Variants in CCSER1 observed in about 807,000 individuals in gnomAD.
CCSER1 encodes serine-rich coiled-coil domain-containing protein 1.
A neutral mutation model predicts 82.0 loss-of-function variants in CCSER1; 41 were observed. The observed-to-expected ratio is 0.50, with a 90% CI of 0.39 to 0.65. CCSER1 has a LOEUF of 0.65. CCSER1 is among the 30% of genes least tolerant of loss of function. The pLI is 0.00. For missense variants in CCSER1, 1,119 were observed against 1,064.2 expected (o/e 1.05, Z -0.72); for synonymous variants, 414 against 383.9 (o/e 1.08, Z -0.92).
intron 10 of CCSER1, among the ~76,000 whole-genome samples, chr4:91,337,515 T>G (rs1225520228): frequency 6.6e-6 from 1 of 152,092 alleles, no homozygotes; most frequent in Non-Finnish European, 1.5e-5. Flanking sequence ...GCATTAGGCA[T>G]CTTATAAACT....
chr4:91,387,242 G>A lies in CCSER1; in HGVS notation c.2218-211330G>A, dbSNP rs544122319. The stretch of plus-strand genomic sequence containing the variant: ...ACACACAAACATACCTTTATAAAGA[G>A]AGAGACAAATGATGCAAATAGGGCA... On this transcript the variant is annotated intron_variant, in intron 10 of 10. Transcript: ENST00000509176. Among the ~76,000 whole-genome samples, 10 of 152,006 alleles carry A rather than the reference G, an allele frequency of 6.6e-5. No individual in the cohort carries two copies. In the South Asian group the frequency reaches 2.1e-3, roughly 31 times the overall value.
At chr4:90,188,647 C>A (rs149652076) in intron 1 of CCSER1, among the ~76,000 whole-genome samples, 3,192 of 151,988 alleles carry the variant, frequency 0.021, 42 homozygotes, top group South Asian at 0.035. Flanking sequence ...CCATTAGCTC[C>A]TTCTTAATAT....
intron 10 of CCSER1, among the ~76,000 whole-genome samples, chr4:91,088,671 G>T (rs751717785): frequency 7.9e-5 from 12 of 151,962 alleles, no homozygotes; most frequent in Non-Finnish European, 1.6e-4. Flanking sequence ...AATTTGAGGG[G>T]GCTGATTATA....
At chr4:90,306,781 G>A (rs1166886786) in intron 1 of CCSER1, among the ~76,000 whole-genome samples, 1 of 152,128 alleles carries the variant, frequency 6.6e-6, no homozygotes, top group Non-Finnish European at 1.5e-5. Flanking sequence ...ATGAAACAGA[G>A]TCTGATTCAA....
At chr4:91,116,914 A>T (rs1344961653) in intron 10 of CCSER1, among the ~76,000 whole-genome samples, 1 of 152,198 alleles carries the variant, frequency 6.6e-6, no homozygotes, top group Non-Finnish European at 1.5e-5. Context: ...GTGATTTTTT[A>T]AATGTTCATC....
intron 10 of CCSER1, among the ~76,000 whole-genome samples, chr4:91,462,099 A>C (rs1232344503): frequency 6.6e-6 from 1 of 152,188 alleles, no homozygotes; most frequent in African/African-American, 2.4e-5. Context: ...GAAACTTTTC[A>C]GAGATTATAT....
chr4:90,649,965 C>T (rs1241998365), intron 6 of CCSER1, among the ~76,000 whole-genome samples: 1 of 151,996 alleles, frequency 6.6e-6, no homozygotes, highest in African/African-American at 2.4e-5. Flanking sequence ...GCCTGTAATC[C>T]CAGCACTTTG....
chr4:91,000,294 C>T (rs2150474807), intron 9 of CCSER1, among the ~76,000 whole-genome samples: 1 of 151,782 alleles, frequency 6.6e-6, no homozygotes, highest in East Asian at 1.9e-4. Flanking sequence ...GTTTAGGTTA[C>T]ATACTACATT....
chr4:90,884,363 A>G (rs560675727), intron 8 of CCSER1, among the ~76,000 whole-genome samples: 2 of 152,326 alleles, frequency 1.3e-5, no homozygotes, highest in Admixed American at 1.3e-4. Flanking sequence ...GCACCCATGG[A>G]GAAGGGATAC....
Position 90,910,698 on chromosome 4 carries a change from A to G in CCSER1, c.2095-12672A>G, listed in dbSNP as rs188230730. ...ATGTTATCCAGATGTTGTATTATTG[A>G]TTTACTGACATTCCTTCATTTCTGT... is the stretch of plus-strand genomic sequence containing the variant. On this transcript the variant is annotated intron_variant, in intron 8 of 10. Coordinates refer to ENST00000509176, the MANE Select transcript of CCSER1 (RefSeq NM_001145065.2). 3.4e-3 allele frequency among the ~76,000 whole-genome samples: 518 copies of G among 152,352 alleles called. 4 individuals carry two copies. Among genetic ancestry groups the G allele is most frequent in the African/African-American group, 0.012 (498 of 41,576 alleles).
chr4:91,164,106 C>A (rs979464814), intron 10 of CCSER1, among the ~76,000 whole-genome samples: 1 of 152,096 alleles, frequency 6.6e-6, no homozygotes, highest in African/African-American at 2.4e-5. Flanking sequence ...CCTTCAGGAG[C>A]TCTTGTAAGG....
In CCSER1 at chr4:90,880,436, G is replaced by A. The variant is rs1304656250; in HGVS notation, c.2095-42934G>A. 2.0e-5 allele frequency among the ~76,000 whole-genome samples: 3 copies of A among 152,108 alleles called. No individual in the cohort carries two copies. The East Asian group carries it at 5.8e-4, about 29-fold the overall frequency. On this transcript the variant is annotated intron_variant, in intron 8 of 10. Transcript: ENST00000509176. ...GGTGATGAGCAGTTGGAGGTGTGTG[G>A]GACCCATGGGAGACTAACTACCTCC...
intron 9 of CCSER1, among the ~76,000 whole-genome samples, chr4:90,979,521 T>G (rs1157859035): frequency 6.6e-6 from 1 of 151,804 alleles, no homozygotes; most frequent in Admixed American, 6.6e-5. Flanking sequence ...TTTTTCGTTA[T>G]GCAAGTACGC....
At chr4:91,365,578 T>C (rs976349566) in intron 10 of CCSER1, among the ~76,000 whole-genome samples, 1 of 152,176 alleles carries the variant, frequency 6.6e-6, no homozygotes, top group Non-Finnish European at 1.5e-5. Flanking sequence ...AATGTGTACA[T>C]TTATTAAACA....
At chr4:90,234,679 CTAAGT>C (rs1258284075) in intron 1 of CCSER1, among the ~76,000 whole-genome samples, 8 of 152,128 alleles carry the variant, frequency 5.3e-5, no homozygotes, top group East Asian at 3.8e-4. Flanking sequence ...AGATACTCTG[CTAAGT>C]TATTTATTTA....
intron 10 of CCSER1, among the ~76,000 whole-genome samples, chr4:91,463,239 G>C (rs1368539293): frequency 2.0e-5 from 3 of 152,202 alleles, no homozygotes; most frequent in Admixed American, 1.3e-4. Flanking sequence ...CTGATACCCA[G>C]GCAAACAGGG....
At chr4:91,048,055 C>G (rs558777718) in intron 9 of CCSER1, among the ~76,000 whole-genome samples, 113 of 152,020 alleles carry the variant, frequency 7.4e-4, no homozygotes, top group African/African-American at 2.7e-3. Context: ...TATTCACTCA[C>G]CCCAACTGAA....
intron 5 of CCSER1, among the ~76,000 whole-genome samples, chr4:90,469,013 G>GA (rs1186248474): frequency 6.6e-6 from 1 of 151,914 alleles, no homozygotes; most frequent in East Asian, 1.9e-4. Flanking sequence ...ACATGAAAAG[G>GA]AAAAAACCTG....
intron 4 of CCSER1, among the ~76,000 whole-genome samples, chr4:90,447,724 T>G (rs1257413934): frequency 1.3e-5 from 2 of 152,118 alleles, no homozygotes; most frequent in Non-Finnish European, 2.9e-5. Context: ...AATACCCAAG[T>G]CAAAACAACT....
Sources: allele counts gnomAD v4.1 joint callset (sites outside exome capture counted in the v4.1 genomes callset), GRCh38; gene constraint gnomAD v4.1.1; transcripts MANE v1.5; gene names NCBI Gene and HGNC (gene_info 2026-07-23, HGNC 2026-07-21).